The following TVP23A variants were observed in gnomAD, a reference collection of about 807,000 sequenced individuals.
TVP23A encodes the protein trans-golgi network vesicle protein 23 homolog A.
TVP23A carries 21 observed loss-of-function variants against 31.7 expected under a neutral mutation model. The observed-to-expected ratio is 0.66, with a 90% CI of 0.47 to 0.95. TVP23A has a LOEUF of 0.95. Among genes scored for constraint, TVP23A ranks in the 40% least tolerant of loss-of-function variants. The pLI, the probability that TVP23A is intolerant of heterozygous loss-of-function variation, is 0.00. For synonymous variants in TVP23A, 104 were observed against 96.0 expected, an observed-to-expected ratio of 1.08 and a Z score of -0.49; for missense variants, 279 against 255.6, an observed-to-expected ratio of 1.09 and a Z score of -0.62.
intron 2 of TVP23A, among the ~76,000 whole-genome samples, chr16:10,778,705 C>T (rs1268890349): frequency 2.0e-5 from 3 of 151,346 alleles, no homozygotes; most frequent in Non-Finnish European, 4.4e-5. Context: ...GTGGCCCATG[C>T]CTATAATCCC....
downstream of TVP23A, among the ~76,000 whole-genome samples, chr16:10,757,341 T>A (rs1187416239): frequency 6.6e-6 from 1 of 152,158 alleles, no homozygotes; most frequent in Non-Finnish European, 1.5e-5. This position sits in a 1 kb window ranked among gnomAD's most constrained non-coding sequence, Gnocchi z 4.1. Flanking sequence ...GGTTTTATAG[T>A]GGCTTATTTG....
chr16:10,768,198 A>AGTATT lies in TVP23A; in HGVS notation c.*899_*903dup. 3.7e-6 allele frequency: 2 copies of AGTATT among 535,888 alleles called. No homozygotes were observed. The highest frequency in any genetic ancestry group is 3.4e-5 in the Admixed American group (1 of 29,734). 33.2% of individuals were successfully genotyped at this position (535,888 alleles called of 1,614,324 possible). Reference sequence around the variant, plus strand: ...TCCATGAGAAATCTCTCAATGTGTGAGTATTGTGAATTAATTCATAGTTTA... The same window carrying AGTATT: ...TCCATGAGAAATCTCTCAATGTGTGAGTATTGTATTGTGAATTAATTCATAGTTTA... On this transcript the variant is annotated 3_prime_UTR_variant, in exon 8 of 8. Transcript: ENST00000299866. The surrounding 1 kb of genome is among the most constrained non-coding windows in gnomAD (Gnocchi z 4.3).
At chr16:10,817,555 C>T (rs1410913583) in intron 2 of TVP23A, among the ~76,000 whole-genome samples, 1 of 152,238 alleles carries the variant, frequency 6.6e-6, no homozygotes, top group Non-Finnish European at 1.5e-5. Flanking sequence ...ACAAGTCTGT[C>T]TAGCTAGACT....
Position 10,773,345 on chromosome 16 carries a change from TAAA to T in TVP23A, c.418_420del (p.Phe140del), listed in dbSNP as rs760251146. ...TTTAGCTTCAAGGAAAATAAGGTGC[TAAA>T]AAAAAACACAATCCATATCATGGGG... On this transcript the variant is annotated inframe_deletion, in exon 5 of 8. Transcript: ENST00000299866. 1.9e-6 allele frequency: 3 copies of T among 1,595,396 alleles called. No individual in the cohort carries two copies. Among genetic ancestry groups the T allele is most frequent in the Non-Finnish European group, 2.6e-6 (3 of 1,170,056 alleles).
chr16:10,785,914 T>C (rs1329315791), intron 2 of TVP23A, among the ~76,000 whole-genome samples: 1 of 152,058 alleles, frequency 6.6e-6, no homozygotes, highest in East Asian at 1.9e-4. Flanking sequence ...TTGGGTACCC[T>C]ACAGGTGGTG....
intron 2 of TVP23A, among the ~76,000 whole-genome samples, chr16:10,775,930 G>A (rs371311603): frequency 1.2e-4 from 18 of 150,976 alleles, no homozygotes; most frequent in African/African-American, 4.4e-4. Flanking sequence ...TGTACTTTGA[G>A]TAGAAACAGG....
chr16:10,817,685 C>T (rs1002241240), intron 2 of TVP23A, among the ~76,000 whole-genome samples: 14 of 152,176 alleles, frequency 9.2e-5, no homozygotes, highest in African/African-American at 2.7e-4. Flanking sequence ...AGGGCCTTTG[C>T]GCTTGCTGTT....
Position 10,785,778 on chromosome 16 carries a change from C to T in TVP23A, c.90-10682G>A, listed in dbSNP as rs74007548. On this transcript the variant is annotated intron_variant, in intron 2 of 7. Coordinates refer to ENST00000299866, the MANE Select transcript of TVP23A (RefSeq NM_001079512.4). Reference sequence around the variant, plus strand: ...TGCTTCTCAGATCTATGTGATTGTACTCAATAAATAGTGTGGAGACCAGAA... The same window carrying T: ...TGCTTCTCAGATCTATGTGATTGTATTCAATAAATAGTGTGGAGACCAGAA... Among the ~76,000 whole-genome samples, 414 of 152,300 alleles carry T rather than the reference C, an allele frequency of 2.7e-3. 3 individuals are homozygous for T. The highest frequency in any genetic ancestry group is 9.4e-3 in the African/African-American group (390 of 41,574).
chr16:10,769,942 G>A (rs538999306), intron 7 of TVP23A, among the ~76,000 whole-genome samples: 3 of 152,256 alleles, frequency 2.0e-5, no homozygotes, highest in South Asian at 4.1e-4. Context: ...GGGTGGGTGG[G>A]AAACAAGAAC....
intron 2 of TVP23A, among the ~76,000 whole-genome samples, chr16:10,797,770 G>C (rs554978845): frequency 6.6e-6 from 1 of 151,976 alleles, no homozygotes; most frequent in African/African-American, 2.4e-5. Flanking sequence ...ATGTATATTT[G>C]AATTGATGTG....
At chr16:10,774,197 CA>C in intron 3 of TVP23A, 69 bp from the exon 4 acceptor site, 1 of 1,205,514 alleles carries the variant, frequency 8.3e-7, no homozygotes, top group Non-Finnish European at 1.2e-6. Flanking sequence ...TATTGATAAA[CA>C]AAAGTTCCTT....
At chr16:10,817,260 T>C (rs2034485396) in intron 2 of TVP23A, among the ~76,000 whole-genome samples, 1 of 152,180 alleles carries the variant, frequency 6.6e-6, no homozygotes, top group Admixed American at 6.5e-5. Context: ...ACTAATACAG[T>C]CTATTACTTT....
intron 2 of TVP23A, among the ~76,000 whole-genome samples, chr16:10,813,670 T>C (rs370189673): frequency 9.9e-4 from 151 of 152,152 alleles, no homozygotes; most frequent in African/African-American, 3.3e-3. Context: ...TTTTCAGAGG[T>C]TTCCTGAACC....
intron 2 of TVP23A, among the ~76,000 whole-genome samples, chr16:10,807,340 C>T (rs2033993474): frequency 6.6e-6 from 1 of 152,210 alleles, no homozygotes; most frequent in Non-Finnish European, 1.5e-5. Context: ...TTCCTTGCCC[C>T]CCACACCTCC....
intron 2 of TVP23A, among the ~76,000 whole-genome samples, chr16:10,790,612 T>G (rs1357263133): frequency 6.6e-6 from 1 of 152,174 alleles, no homozygotes; most frequent in Non-Finnish European, 1.5e-5. Flanking sequence ...TTTGATTTTC[T>G]TCTTTGTCAT....
chr16:10,777,483 C>T lies in TVP23A; in HGVS notation c.90-2387G>A, dbSNP rs1219177055. ...CTGCAGGGGAAAGCGCCTGCTCATT[C>T]TCCCCAAGAAGAAACGGAGTCCGAG... is the stretch of plus-strand genomic sequence containing the variant. On this transcript the variant is annotated intron_variant, in intron 2 of 7. Coordinates refer to ENST00000299866, the MANE Select transcript of TVP23A (RefSeq NM_001079512.4). This position sits in a 1 kb window ranked among gnomAD's most constrained non-coding sequence, Gnocchi z 4.5. 1.3e-5 allele frequency among the ~76,000 whole-genome samples: 2 copies of T among 152,114 alleles called. No individual in the cohort carries two copies. Among genetic ancestry groups the T allele is most frequent in the Non-Finnish European group, 2.9e-5 (2 of 68,024 alleles).
At chr16:10,805,390 G>A (rs1395679317) in intron 2 of TVP23A, among the ~76,000 whole-genome samples, 1 of 151,854 alleles carries the variant, frequency 6.6e-6, no homozygotes. Flanking sequence ...ATATCTCCCT[G>A]GCCGACAAGA....
rs961815015 is a variant in TVP23A, at chr16:10,767,511, T to C, written c.*1591A>G. 6 of 435,992 alleles carry C rather than the reference T, an allele frequency of 1.4e-5. No individual in the cohort carries two copies. The highest frequency in any genetic ancestry group is 1.2e-4 in the African/African-American group (6 of 49,456). 27.0% of individuals were successfully genotyped at this position (435,992 alleles called of 1,614,324 possible). A position where few individuals can be genotyped will look rare whatever the true frequency, so the allele number is the denominator to read the frequency against. Reference sequence around the variant, plus strand: ...GCACACATGCAAGTGTGCACATTTATATGCGCATAATCTTTCTGGAAAGAC... The same window carrying C: ...GCACACATGCAAGTGTGCACATTTACATGCGCATAATCTTTCTGGAAAGAC... On this transcript the variant is annotated 3_prime_UTR_variant, in exon 8 of 8. Transcript: ENST00000299866. This position sits in a 1 kb window ranked among gnomAD's most constrained non-coding sequence, Gnocchi z 4.6.
chr16:10,777,712 A>C lies in TVP23A; in HGVS notation c.90-2616T>G, dbSNP rs2032137467. The stretch of plus-strand genomic sequence containing the variant: ...AACCCAGGAAGTGCACCCGGCTTTT[A>C]AGAATTAGACAGGATCAAGCCGGGC... On this transcript the variant is annotated intron_variant, in intron 2 of 7. Coordinates refer to ENST00000299866, the MANE Select transcript of TVP23A (RefSeq NM_001079512.4). The surrounding 1 kb of genome is among the most constrained non-coding windows in gnomAD (Gnocchi z 4.5). 6.6e-6 allele frequency among the ~76,000 whole-genome samples: 1 copy of C among 152,152 alleles called. No homozygotes were observed. The highest frequency in any genetic ancestry group is 2.1e-4 in the South Asian group (1 of 4,826).
Sources: allele counts gnomAD v4.1 joint callset (sites outside exome capture counted in the v4.1 genomes callset), GRCh38; gene constraint gnomAD v4.1.1; non-coding constraint Gnocchi (gnomAD v3.1); transcripts MANE v1.5; gene names NCBI Gene and HGNC (gene_info 2026-07-23, HGNC 2026-07-21).